The following MAGI1 variants were observed in gnomAD, a reference collection of about 807,000 sequenced individuals.
The protein encoded by MAGI1 is membrane associated guanylate kinase, WW and PDZ domain containing 1.
Under a neutral mutation model 139.9 loss-of-function variants are expected in MAGI1, and 58 were observed. The observed-to-expected ratio is 0.41, with a 90% confidence interval of 0.34 to 0.52. MAGI1 has a LOEUF of 0.52. MAGI1 is among the 20% of genes least tolerant of loss of function. The pLI is 0.12. For missense variants in MAGI1, 1,874 were observed against 1,901.6 expected (o/e 0.99, Z 0.27); for synonymous variants, 812 against 737.9 (o/e 1.10, Z -1.63).
intron 1 of MAGI1, among the ~76,000 whole-genome samples, chr3:65,659,667 T>G (rs2086084405): frequency 6.6e-6 from 1 of 152,164 alleles, no homozygotes; most frequent in South Asian, 2.1e-4. Context: ...TCCCCTTTCT[T>G]AAGTATGTAT....
intron 1 of MAGI1, among the ~76,000 whole-genome samples, chr3:65,713,681 G>T (rs2031818301): frequency 6.6e-6 from 1 of 152,138 alleles, no homozygotes; most frequent in African/African-American, 2.4e-5. Context: ...TCAGGACCTG[G>T]TAAGTTCATT....
At chr3:66,032,949 A>G (rs2068716974) in intron 1 of MAGI1, among the ~76,000 whole-genome samples, 1 of 150,266 alleles carries the variant, frequency 6.7e-6, no homozygotes, top group Non-Finnish European at 1.5e-5. Context: ...AACAACAACA[A>G]CAGAAGATAA....
At chr3:66,004,937 C>T (rs1401977353) in intron 1 of MAGI1, among the ~76,000 whole-genome samples, 1 of 152,176 alleles carries the variant, frequency 6.6e-6, no homozygotes, top group Non-Finnish European at 1.5e-5. Context: ...GGGTCCTCAA[C>T]ATATATTATT....
chr3:65,370,636 G>T (rs1007035639), intron 18 of MAGI1, among the ~76,000 whole-genome samples: 2 of 151,896 alleles, frequency 1.3e-5, no homozygotes, highest in South Asian at 4.1e-4. Context: ...TTTTTCCAGG[G>T]TATTTTATTT....
chr3:65,844,348 A>G (rs756360437), intron 1 of MAGI1: 31 of 319,748 alleles, frequency 9.7e-5, no homozygotes, highest in Non-Finnish European at 1.8e-4. Context: ...CTTGACTGAA[A>G]AGGTACAAAT....
At chr3:65,565,055 C>A (rs139980041) in intron 2 of MAGI1, among the ~76,000 whole-genome samples, 1 of 152,138 alleles carries the variant, frequency 6.6e-6, no homozygotes, top group Non-Finnish European at 1.5e-5. Context: ...CTAGATAACA[C>A]GAATAGGCTC....
At chr3:65,630,361 C>G (rs2084223486) in intron 1 of MAGI1, among the ~76,000 whole-genome samples, 2 of 152,042 alleles carry the variant, frequency 1.3e-5, no homozygotes. Flanking sequence ...TGGGGAAAGA[C>G]TATTCCAGGC....
intron 12 of MAGI1, among the ~76,000 whole-genome samples, chr3:65,409,787 G>A (rs1442495624): frequency 6.6e-6 from 1 of 152,110 alleles, no homozygotes; most frequent in East Asian, 1.9e-4. Flanking sequence ...CTTAATAATG[G>A]TCATTATGAA....
intron 1 of MAGI1, among the ~76,000 whole-genome samples, chr3:65,909,075 T>C (rs1279389458): frequency 1.3e-5 from 2 of 152,206 alleles, no homozygotes; most frequent in Non-Finnish European, 2.9e-5. Flanking sequence ...GGTGTGTCTA[T>C]GACCAGGTAG....
chr3:65,803,774 C>G (rs1444911830), intron 1 of MAGI1, among the ~76,000 whole-genome samples: 1 of 152,122 alleles, frequency 6.6e-6, no homozygotes. Flanking sequence ...CATTTAGCTC[C>G]CACTTACAAG....
intron 1 of MAGI1, among the ~76,000 whole-genome samples, chr3:65,899,317 A>G (rs1348371500): frequency 6.6e-6 from 1 of 152,260 alleles, no homozygotes; most frequent in Non-Finnish European, 1.5e-5. Context: ...CTCCAGGAAA[A>G]GAGTCATCAG....
In MAGI1 at chr3:65,595,485, T is replaced by C. The variant is rs150494089; in HGVS notation, c.430+26487A>G. ...GGGCCACCTCACAAATTGCCTCTTC[T>C]GGCCACAGTTAAACTGAAGAGGCAG... On this transcript the variant is annotated intron_variant, in intron 2 of 22. Coordinates refer to ENST00000402939, the MANE Select transcript of MAGI1 (RefSeq NM_001033057.2). Among the ~76,000 whole-genome samples, 1,269 of 152,294 alleles carry C rather than the reference T, an allele frequency of 8.3e-3. 18 individuals are homozygous for C. Among genetic ancestry groups the C allele is most frequent in the African/African-American group, 0.029 (1,217 of 41,560 alleles).
intron 11 of MAGI1, among the ~76,000 whole-genome samples, chr3:65,430,460 T>C (rs1473391259): frequency 6.6e-6 from 1 of 152,134 alleles, no homozygotes; most frequent in African/African-American, 2.4e-5. Flanking sequence ...ACTCATTGCT[T>C]TACTGTACTC....
intron 1 of MAGI1, among the ~76,000 whole-genome samples, chr3:65,913,411 T>C (rs1576007961): frequency 6.6e-6 from 1 of 152,144 alleles, no homozygotes; most frequent in East Asian, 1.9e-4. Context: ...CAAAACATGG[T>C]TCAATGCTTT....
At position 65,643,142 on chromosome 3, in the gene MAGI1, G is replaced by C. The variant is rs1489707629; in HGVS notation, c.314-21054C>G. Among the ~76,000 whole-genome samples, 4 of 152,166 alleles carry C rather than the reference G, an allele frequency of 2.6e-5. 1 individual carries two copies. The highest frequency in any genetic ancestry group is 9.7e-5 in the African/African-American group (4 of 41,434). On this transcript the variant is annotated intron_variant, in intron 1 of 22. Transcript: ENST00000402939. ...CTTTCTGAACTGCAGCAGACCAGATGGTGGGGTGAGTTATTCATTTCTCAG... is the reference window on the plus strand; with the variant it reads ...CTTTCTGAACTGCAGCAGACCAGATCGTGGGGTGAGTTATTCATTTCTCAG...
intron 18 of MAGI1, 163 bp from the exon 19 acceptor site, chr3:65,365,109 C>A: frequency 1.3e-6 from 1 of 770,406 alleles, no homozygotes. Context: ...TTTAATAAAC[C>A]ATTTTAAGAT....
intron 18 of MAGI1, among the ~76,000 whole-genome samples, chr3:65,368,126 A>G (rs1486550267): frequency 6.6e-6 from 1 of 152,210 alleles, no homozygotes; most frequent in Non-Finnish European, 1.5e-5. Context: ...TATAAAAAAG[A>G]GCTTTATCCC....
At position 65,364,890 on chromosome 3, in the gene MAGI1, T is replaced by C; in HGVS notation, c.3253A>G (p.Thr1085Ala). The change falls in exon 19 of 23, where the codon ACA becomes GCA. Residue 1085 changes from threonine to alanine, a missense_variant. Transcript: ENST00000402939. The stretch of plus-strand genomic sequence containing the variant: ...GTCCCTTGCTGAGAAGGGGTGTGTG[T>C]GGTGGTGATGGTGGCAATCTTCTCT... ...NAEKIATITT[T>A]HTPSQQGTQE... 1 of 1,613,918 alleles carries C rather than the reference T, an allele frequency of 6.2e-7. No individual in the cohort carries two copies. Among genetic ancestry groups the C allele is most frequent in the Non-Finnish European group, 8.5e-7 (1 of 1,179,934 alleles).
In MAGI1 at chr3:65,356,918, A is replaced by C. The variant is rs201291352; in HGVS notation, c.3849T>G (p.Asn1283Lys). The change falls in exon 23 of 23, where the codon AAT (asparagine) becomes AAG (lysine). Residue 1283 changes from asparagine (N) to lysine (K), a missense_variant. By Grantham distance (94) the Asn-to-Lys change is moderately conservative. Around this residue, in one of 5 missense-constraint regions of MAGI1, gnomAD observed 653 missense variants for 644.5 expected, o/e 1.01. Transcript: ENST00000402939. ...SRQPNEHHTW[N>K]GTSRKPDSGA... is the part of the protein sequence containing the mutation. ...CGCTGTCGGGTTTCCTCGAAGTCCC[A>C]TTCCAGGTGTGGTGTTCATTGGGTT... 1.9e-6 allele frequency: 3 copies of C among 1,613,988 alleles called. No homozygotes were observed. The highest frequency in any genetic ancestry group is 2.5e-6 in the Non-Finnish European group (3 of 1,180,002).
Sources: allele counts gnomAD v4.1 joint callset (sites outside exome capture counted in the v4.1 genomes callset), GRCh38; gene constraint gnomAD v4.1.1; regional missense constraint gnomAD v4.1.1; transcripts MANE v1.5; gene names NCBI Gene and HGNC (gene_info 2026-07-23, HGNC 2026-07-21).